Variants in CACNA2D3 observed in about 807,000 individuals in gnomAD.
CACNA2D3 encodes voltage-dependent calcium channel subunit alpha-2/delta-3.
Under a neutral mutation model 160.6 loss-of-function variants are expected in CACNA2D3, and 60 were observed. The observed-to-expected ratio is 0.37, with a 90% confidence interval of 0.30 to 0.46. The LOEUF (loss-of-function observed/expected upper bound fraction) is 0.46. Among genes scored for constraint, CACNA2D3 ranks in the 20% least tolerant of loss-of-function variants. The pLI is 1.00. For synonymous variants in CACNA2D3, 558 were observed against 492.9 expected (o/e 1.13, Z -1.75); for missense variants, 1,205 against 1,365.0 (o/e 0.88, Z 1.85).
chr3:54,138,059 C>T (rs769976073), intron 2 of CACNA2D3, among the ~76,000 whole-genome samples: 1 of 152,180 alleles, frequency 6.6e-6, no homozygotes, highest in Non-Finnish European at 1.5e-5. Context: ...CTGCGACGAT[C>T]CCATGGGACA....
At chr3:54,471,630 T>A (rs918913268) in intron 4 of CACNA2D3, among the ~76,000 whole-genome samples, 3 of 151,374 alleles carry the variant, frequency 2.0e-5, no homozygotes, top group Non-Finnish European at 4.4e-5. Context: ...TTTTAAAAGA[T>A]TAACAAAATA....
In CACNA2D3 at chr3:54,863,193, C is replaced by T. The variant is rs758474422; in HGVS notation, c.1627-8346C>T. ...GTGCAGCCCTGTCTGAAATTTATTT[C>T]GAGGCTGTCTTGCATCTAACTTTTG... On this transcript the variant is annotated intron_variant, in intron 17 of 37. Transcript: ENST00000474759. Among the ~76,000 whole-genome samples the T allele has an allele frequency of 3.9e-5, 6 of 152,294 alleles. No individual in the cohort carries two copies. The South Asian group carries it at 6.2e-4, about 16-fold the overall frequency.
intron 17 of CACNA2D3, among the ~76,000 whole-genome samples, chr3:54,861,164 T>C (rs1699284139): frequency 6.6e-6 from 1 of 151,954 alleles, no homozygotes; most frequent in South Asian, 2.1e-4. Flanking sequence ...ATGTGATGGC[T>C]GGGGAGATAG....
chr3:54,696,906 G>A (rs960213303), intron 11 of CACNA2D3, among the ~76,000 whole-genome samples: 2 of 152,196 alleles, frequency 1.3e-5, no homozygotes, highest in African/African-American at 4.8e-5. Flanking sequence ...GTAGTGAGAA[G>A]CAGTGTTTTT....
At chr3:54,807,735 G>A (rs1394053104) in intron 13 of CACNA2D3, among the ~76,000 whole-genome samples, 1 of 151,872 alleles carries the variant, frequency 6.6e-6, no homozygotes, top group Non-Finnish European at 1.5e-5. Flanking sequence ...AAATCATGCT[G>A]CTATAAAGAC....
intron 13 of CACNA2D3, among the ~76,000 whole-genome samples, chr3:54,812,258 C>T (rs1240298738): frequency 6.6e-6 from 1 of 152,120 alleles, no homozygotes; most frequent in Non-Finnish European, 1.5e-5. Flanking sequence ...CTAAGCTTGG[C>T]TAAAATTAGG....
chr3:54,299,356 T>C (rs1256350731), intron 2 of CACNA2D3, among the ~76,000 whole-genome samples: 2 of 152,168 alleles, frequency 1.3e-5, no homozygotes, highest in South Asian at 2.1e-4. Flanking sequence ...CCCGCTCCGC[T>C]AGCCTAGCCA....
At chr3:54,624,957 C>T (rs534207869) in intron 9 of CACNA2D3, among the ~76,000 whole-genome samples, 6 of 152,340 alleles carry the variant, frequency 3.9e-5, no homozygotes, top group African/African-American at 1.4e-4. Flanking sequence ...CCAACTACAG[C>T]TGGGACGCCT....
At chr3:54,653,243 G>A (rs1699810335) in intron 11 of CACNA2D3, among the ~76,000 whole-genome samples, 1 of 152,186 alleles carries the variant, frequency 6.6e-6, no homozygotes, top group African/African-American at 2.4e-5. Flanking sequence ...GGGGAGTGTA[G>A]GTAGTAGACC....
chr3:54,918,375 A>G (rs1190595878), intron 27 of CACNA2D3: 1 of 993,934 alleles, frequency 1.0e-6, no homozygotes, highest in Non-Finnish European at 1.3e-6. Flanking sequence ...CAAAAGCAAA[A>G]TCAGACTAAC....
chr3:54,747,707 G>A (rs1306841499), intron 11 of CACNA2D3, among the ~76,000 whole-genome samples: 1 of 152,108 alleles, frequency 6.6e-6, no homozygotes, highest in Non-Finnish European at 1.5e-5. Context: ...TATCCCTGGA[G>A]CTTCCCTGTC....
intron 2 of CACNA2D3, among the ~76,000 whole-genome samples, chr3:54,203,199 A>G (rs1463258682): frequency 6.6e-6 from 1 of 152,212 alleles, no homozygotes; most frequent in Non-Finnish European, 1.5e-5. Context: ...GCACCATCCA[A>G]TCCTTTGAAA....
In CACNA2D3 at chr3:54,252,100, G is replaced by GTTTTTTTTTTTTTT. The variant is rs548233026; in HGVS notation, c.205-68341_205-68328dup. 2.8e-3 allele frequency among the ~76,000 whole-genome samples: 343 copies of GTTTTTTTTTTTTTT among 120,934 alleles called. 8 individuals carry two copies. The highest frequency in any genetic ancestry group is 3.4e-3 in the African/African-American group (99 of 29,208). The allele number at this position is 120,934 out of a possible 152,430, so 79.3% of individuals were successfully genotyped here. ...TCCAATTTCTCTTTTTGCAGAGCTAGTTTTTTTTTTTTTTGTACGATACTC... is the reference window on the plus strand; with the variant it reads ...TCCAATTTCTCTTTTTGCAGAGCTAGTTTTTTTTTTTTTTTTTTTTTTTTTTTTGTACGATACTC... On this transcript the variant is annotated intron_variant, in intron 2 of 37. Coordinates refer to ENST00000474759, the MANE Select transcript of CACNA2D3 (RefSeq NM_018398.3).
At chr3:55,019,076 A>G (rs1318248430) in intron 35 of CACNA2D3, among the ~76,000 whole-genome samples, 1 of 110,600 alleles carries the variant, frequency 9.0e-6, no homozygotes, top group Non-Finnish European at 1.7e-5. Context: ...CAATGCATAG[A>G]AATTTTCTTT....
intron 13 of CACNA2D3, among the ~76,000 whole-genome samples, chr3:54,798,904 C>T (rs770910044): frequency 2.2e-4 from 33 of 152,212 alleles, no homozygotes; most frequent in Non-Finnish European, 4.7e-4. Flanking sequence ...GCCCTTGCTC[C>T]ATTACTCAGC....
At chr3:54,721,202 A>C (rs1575440401) in intron 11 of CACNA2D3, among the ~76,000 whole-genome samples, 1 of 152,234 alleles carries the variant, frequency 6.6e-6, no homozygotes, top group South Asian at 2.1e-4. Context: ...CCTCTATTTA[A>C]GCTCACCCGT....
chr3:55,030,561 T>C (rs1703665778), intron 35 of CACNA2D3, among the ~76,000 whole-genome samples: 1 of 152,200 alleles, frequency 6.6e-6, no homozygotes. Flanking sequence ...CTGGGCACTT[T>C]ATTTTGCATT....
Position 55,020,401 on chromosome 3 carries a change from AATAC to A in CACNA2D3, c.2987+2088_2987+2091del, listed in dbSNP as rs549898854. ...TTCTATTTTCATAAAATAAATATAT[AATAC>A]ATATGTATATGTATTATACATAATC... On this transcript the variant is annotated intron_variant, in intron 35 of 37. Transcript: ENST00000474759. Among the ~76,000 whole-genome samples the A allele has an allele frequency of 1.2e-3, 172 of 149,092 alleles. 1 individual carries two copies. Among genetic ancestry groups the A allele is most frequent in the Middle Eastern group, 7.1e-3 (2 of 280 alleles).
chr3:54,361,298 G>A (rs1024433326), intron 3 of CACNA2D3, among the ~76,000 whole-genome samples: 4 of 151,904 alleles, frequency 2.6e-5, no homozygotes, highest in South Asian at 2.1e-4. Flanking sequence ...GGAGCTCTGG[G>A]TATCATGCCC....
Sources: gnomAD v4.1 joint callset for allele counts (sites outside exome capture counted in the v4.1 genomes callset) on GRCh38, gnomAD v4.1.1 for gene constraint, MANE v1.5 for transcripts, NCBI Gene and HGNC (gene_info 2026-07-23, HGNC 2026-07-21) for gene names.